TMEM74: variants seen among roughly 807,000 people sequenced by gnomAD.
The protein encoded by TMEM74 is transmembrane protein 74.
In TMEM74, 13 loss-of-function variants were observed where a neutral mutation model predicts 18.1. The observed-to-expected ratio is 0.72, with a 90% confidence interval of 0.47 to 1.14. The LOEUF (loss-of-function observed/expected upper bound fraction) is 1.14, where lower values mean the gene tolerates loss of function less well. Among genes scored for constraint, TMEM74 ranks in the 50% most tolerant of loss-of-function variants. The pLI is 0.00. For synonymous variants in TMEM74, 159 were observed against 146.6 expected, an observed-to-expected ratio of 1.08 and a Z score of -0.61; for missense variants, 372 against 375.9, an observed-to-expected ratio of 0.99 and a Z score of 0.09.
intron 1 of TMEM74, among the ~76,000 whole-genome samples, chr8:108,664,259 A>G (rs1431030199): frequency 6.6e-6 from 1 of 152,172 alleles, no homozygotes; most frequent in Non-Finnish European, 1.5e-5. Context: ...ATCCATGAAC[A>G]TGGAATATTT....
chr8:108,617,152 G>T (rs551391166), intron 2 of TMEM74, among the ~76,000 whole-genome samples: 2 of 151,806 alleles, frequency 1.3e-5, no homozygotes, highest in African/African-American at 4.8e-5. Flanking sequence ...TAGGAACTGA[G>T]GAGTATCATT....
chr8:108,671,407 C>G (rs1039580832), intron 1 of TMEM74, among the ~76,000 whole-genome samples: 1 of 152,200 alleles, frequency 6.6e-6, no homozygotes, highest in African/African-American at 2.4e-5. Flanking sequence ...AAGCAACTGT[C>G]CTGTTTCTGT....
At chr8:108,638,132 T>C (rs1812626107) in intron 2 of TMEM74, among the ~76,000 whole-genome samples, 1 of 152,174 alleles carries the variant, frequency 6.6e-6, no homozygotes, top group African/African-American at 2.4e-5. Context: ...CAGTGCAGAT[T>C]CTGAAGGGTC....
chr8:108,699,570 A>G (rs1356109637), intron 1 of TMEM74, among the ~76,000 whole-genome samples: 2 of 152,184 alleles, frequency 1.3e-5, no homozygotes, highest in African/African-American at 2.4e-5. Context: ...TTATATTGAA[A>G]TAATAGACAT....
intron 1 of TMEM74, among the ~76,000 whole-genome samples, chr8:108,658,786 T>A (rs1355415853): frequency 2.0e-5 from 3 of 152,186 alleles, no homozygotes; most frequent in Non-Finnish European, 4.4e-5. Context: ...TACTACCTAA[T>A]AACTTGAATA....
At chr8:108,744,919 G>A (rs1008967407) in intron 1 of TMEM74, among the ~76,000 whole-genome samples, 2 of 152,144 alleles carry the variant, frequency 1.3e-5, no homozygotes, top group Non-Finnish European at 1.5e-5. Flanking sequence ...ATTGGAAAAA[G>A]GGTGTTGCAT....
intron 1 of TMEM74, among the ~76,000 whole-genome samples, chr8:108,736,655 A>C (rs1813752527): frequency 6.6e-6 from 1 of 152,134 alleles, no homozygotes; most frequent in Non-Finnish European, 1.5e-5. Context: ...TGTCTCAAAA[A>C]AAAAGAGATC....
At chr8:108,723,588 T>C (rs555812485) in intron 1 of TMEM74, among the ~76,000 whole-genome samples, 110 of 152,312 alleles carry the variant, frequency 7.2e-4, no homozygotes, top group African/African-American at 2.4e-3. Flanking sequence ...CAATCAACTA[T>C]AAATGGCTTT....
At chr8:108,748,646 C>T (rs1813875205) in intron 1 of TMEM74, among the ~76,000 whole-genome samples, 1 of 147,362 alleles carries the variant, frequency 6.8e-6, no homozygotes, top group African/African-American at 2.5e-5. Flanking sequence ...TTGCCCCTAC[C>T]TATATGGTAT....
chr8:108,655,099 T>G (rs940502692), intron 2 of TMEM74, among the ~76,000 whole-genome samples: 22 of 152,150 alleles, frequency 1.4e-4, no homozygotes, highest in Non-Finnish European at 8.8e-5. Context: ...TTTCCTTATA[T>G]TCATAAGTAA....
chr8:108,645,116 A>G (rs751801326), intron 2 of TMEM74, among the ~76,000 whole-genome samples: 1 of 152,122 alleles, frequency 6.6e-6, no homozygotes, highest in Non-Finnish European at 1.5e-5. Context: ...GTGCCCATCA[A>G]TGGTAGATTG....
intron 1 of TMEM74, among the ~76,000 whole-genome samples, chr8:108,746,819 C>T (rs1036120824): frequency 6.6e-6 from 1 of 152,058 alleles, no homozygotes; most frequent in Non-Finnish European, 1.5e-5. Flanking sequence ...GGACAAGGTT[C>T]AGAGAGCATC....
intron 1 of TMEM74, among the ~76,000 whole-genome samples, chr8:108,684,942 T>G (rs1174524153): frequency 6.6e-6 from 1 of 152,002 alleles, no homozygotes; most frequent in Non-Finnish European, 1.5e-5. Flanking sequence ...TCATGAAAAT[T>G]TTAGGAGTTT....
At chr8:108,683,870 G>A (rs1365487914) in intron 1 of TMEM74, among the ~76,000 whole-genome samples, 1 of 151,984 alleles carries the variant, frequency 6.6e-6, no homozygotes, top group African/African-American at 2.4e-5. Flanking sequence ...TTCGTTTGCT[G>A]GTTTATTTCA....
intron 1 of TMEM74, among the ~76,000 whole-genome samples, chr8:108,678,530 AT>A (rs5893929): frequency 0.032 from 4,419 of 138,750 alleles, 110 homozygotes; most frequent in African/African-American, 0.068. Context: ...GCACCCAGCT[AT>A]TTTTTTTTTT....
At chr8:108,646,079 A>C (rs1483644954) in intron 2 of TMEM74, among the ~76,000 whole-genome samples, 1 of 151,720 alleles carries the variant, frequency 6.6e-6, no homozygotes, top group East Asian at 1.9e-4. Flanking sequence ...ATTGTTCACG[A>C]AGTTTTTTTT....
At chr8:108,758,205 A>G (rs913791776) in intron 1 of TMEM74, among the ~76,000 whole-genome samples, 1 of 152,060 alleles carries the variant, frequency 6.6e-6, no homozygotes, top group South Asian at 2.1e-4. Flanking sequence ...AAAATAAAAC[A>G]AAACAGAACA....
chr8:108,762,717 C>T (rs896941671), intron 1 of TMEM74, among the ~76,000 whole-genome samples: 24 of 152,042 alleles, frequency 1.6e-4, no homozygotes, highest in Non-Finnish European at 2.9e-5. Flanking sequence ...TTATTTGATT[C>T]ATACCTGTCT....
chr8:108,745,826 C>A (rs563725276), intron 1 of TMEM74, among the ~76,000 whole-genome samples: 1 of 152,236 alleles, frequency 6.6e-6, no homozygotes, highest in African/African-American at 2.4e-5. Context: ...GACCCCTGAC[C>A]TAATCAGTTA....
Sources: gnomAD v4.1 joint callset for allele counts (sites outside exome capture counted in the v4.1 genomes callset) on GRCh38, gnomAD v4.1.1 for gene constraint, MANE v1.5 for transcripts, NCBI Gene and HGNC (gene_info 2026-07-23, HGNC 2026-07-21) for gene names.